Variants in GCNT1 observed in about 807,000 individuals in gnomAD.
GCNT1 encodes glucosaminyl (N-acetyl) transferase 1.
In GCNT1, 16 loss-of-function variants were observed where a neutral mutation model predicts 26.2. The observed-to-expected ratio is 0.61, with a 90% CI of 0.41 to 0.93. The LOEUF (loss-of-function observed/expected upper bound fraction) is 0.93. Ranked by LOEUF, GCNT1 falls within the 40% of genes least tolerant of loss-of-function variation. The pLI is 0.00. For missense variants in GCNT1, 477 were observed against 526.7 expected, an observed-to-expected ratio of 0.91 and a Z score of 0.92; for synonymous variants, 183 against 190.8, an observed-to-expected ratio of 0.96 and a Z score of 0.34.
chr9:76,474,685 AT>A (rs1259322358), intron 2 of GCNT1, among the ~76,000 whole-genome samples: 1 of 152,160 alleles, frequency 6.6e-6, no homozygotes, highest in Non-Finnish European at 1.5e-5. Flanking sequence ...TTGTCAATGG[AT>A]TTTTGTTTTT....
chr9:76,418,087 A>C (rs907338511), upstream of GCNT1, among the ~76,000 whole-genome samples: 4 of 152,118 alleles, frequency 2.6e-5, no homozygotes, highest in Non-Finnish European at 1.5e-5. Context: ...AATCAAATAC[A>C]CGTAAGGTAT....
intron 2 of GCNT1, among the ~76,000 whole-genome samples, chr9:76,478,240 C>T (rs1020542688): frequency 1.7e-4 from 26 of 152,224 alleles, no homozygotes; most frequent in Non-Finnish European, 5.9e-5. Context: ...CTGTTGGTCA[C>T]TCTTTGCGTC....
the GCNT1 span, among the ~76,000 whole-genome samples, chr9:76,400,158 A>G: frequency 2.0e-5 from 3 of 152,228 alleles, no homozygotes; most frequent in Admixed American, 2.0e-4. Flanking sequence ...CCTCATGAAT[A>G]TATGACATTA....
At chr9:76,479,639 G>T (rs1472053561) in intron 2 of GCNT1, among the ~76,000 whole-genome samples, 8 of 152,172 alleles carry the variant, frequency 5.3e-5, no homozygotes, top group Admixed American at 3.9e-4. Flanking sequence ...TCATATGCCT[G>T]TTGGCTGCAT....
At chr9:76,420,993 C>G (rs974002968) in intron 1 of GCNT1, among the ~76,000 whole-genome samples, 4 of 148,944 alleles carry the variant, frequency 2.7e-5, no homozygotes, top group African/African-American at 9.8e-5. Flanking sequence ...ATTTCATTCT[C>G]AAAACAAACA....
intron 2 of GCNT1, among the ~76,000 whole-genome samples, chr9:76,484,594 A>T (rs556183364): frequency 1.3e-5 from 2 of 152,158 alleles, no homozygotes; most frequent in South Asian, 4.1e-4. Context: ...TTGAAAACAA[A>T]CACATCATGT....
chr9:76,477,462 G>T (rs1462834770), intron 2 of GCNT1, among the ~76,000 whole-genome samples: 1 of 151,566 alleles, frequency 6.6e-6, no homozygotes, highest in African/African-American at 2.4e-5. Flanking sequence ...GGAGGCAGAG[G>T]TTGCAGTGAG....
intron 1 of GCNT1, among the ~76,000 whole-genome samples, chr9:76,444,601 G>T (rs1040046183): frequency 6.6e-6 from 1 of 152,238 alleles, no homozygotes; most frequent in Non-Finnish European, 1.5e-5. Flanking sequence ...AGCTGAAATG[G>T]ACAGGGGCAG....
At chr9:76,433,961 A>G (rs1283084403) in intron 1 of GCNT1, among the ~76,000 whole-genome samples, 1 of 152,232 alleles carries the variant, frequency 6.6e-6, no homozygotes, top group East Asian at 1.9e-4. Flanking sequence ...GTAAAATTCA[A>G]AGTTATATAA....
chr9:76,440,077 G>A (rs189553428), upstream of GCNT1, among the ~76,000 whole-genome samples: 101 of 151,288 alleles, frequency 6.7e-4, 1 homozygote, highest in East Asian at 0.017. Context: ...CTCCAGCCTG[G>A]GCAAGAGCGA....
intron 1 of GCNT1, among the ~76,000 whole-genome samples, chr9:76,435,678 G>A (rs910809741): frequency 3.9e-5 from 6 of 152,120 alleles, no homozygotes; most frequent in African/African-American, 1.4e-4. Context: ...TGGTCCTATT[G>A]TATTAAGGTC....
chr9:76,417,650 G>C (rs1053202016), upstream of GCNT1, among the ~76,000 whole-genome samples: 5 of 152,178 alleles, frequency 3.3e-5, no homozygotes, highest in African/African-American at 1.2e-4. Context: ...GTGGGTGGGG[G>C]AGCCAAAGGC....
chr9:76,434,197 TG>T (rs1184636578), intron 1 of GCNT1, among the ~76,000 whole-genome samples: 1 of 152,174 alleles, frequency 6.6e-6, no homozygotes, highest in African/African-American at 2.4e-5. Flanking sequence ...GAGTATCCAC[TG>T]GGGGTCTTGG....
chr9:76,503,739 G>A lies in GCNT1; in HGVS notation c.*71G>A, dbSNP rs1216364213. On this transcript the variant is annotated 3_prime_UTR_variant, in exon 4 of 4. Transcript: ENST00000376730. Reference sequence around the variant, plus strand: ...TACCCTTATCTGTTTCCCCTTCCTTGTCAGCATCGGGAAGATGGTATGAAG... The same window carrying A: ...TACCCTTATCTGTTTCCCCTTCCTTATCAGCATCGGGAAGATGGTATGAAG... 8.7e-6 allele frequency: 11 copies of A among 1,267,108 alleles called. No individual in the cohort carries two copies. Among genetic ancestry groups the A allele is most frequent in the Non-Finnish European group, 1.1e-5 (10 of 875,712 alleles). The allele number at this position is 1,267,108 out of a possible 1,614,324, so 78.5% of individuals were successfully genotyped here.
At chr9:76,469,264 A>G (rs769241827) in intron 2 of GCNT1, among the ~76,000 whole-genome samples, 22 of 152,232 alleles carry the variant, frequency 1.4e-4, no homozygotes, top group Non-Finnish European at 3.1e-4. Flanking sequence ...TCCTAGGCCC[A>G]CTAAGAATCC....
At chr9:76,403,602 A>C in the GCNT1 span, among the ~76,000 whole-genome samples, 3 of 152,242 alleles carry the variant, frequency 2.0e-5, no homozygotes, top group Non-Finnish European at 4.4e-5. Flanking sequence ...TAGACACGGG[A>C]GGATTCTGTA....
chr9:76,423,404 C>T (rs1052668032), intron 1 of GCNT1, among the ~76,000 whole-genome samples: 13 of 152,190 alleles, frequency 8.5e-5, no homozygotes, highest in Non-Finnish European at 7.4e-5. Flanking sequence ...TTTGCCTTTC[C>T]CCCATGGGAT....
At chr9:76,472,836 C>T (rs1824169334) in intron 2 of GCNT1, among the ~76,000 whole-genome samples, 1 of 150,760 alleles carries the variant, frequency 6.6e-6, no homozygotes, top group African/African-American at 2.4e-5. Flanking sequence ...GCAACTTCTG[C>T]CTCCCAGATT....
Position 76,432,250 on chromosome 9 carries a change from C to CA in GCNT1, n.38+12371dup, listed in dbSNP as rs747518390. On this transcript the variant is annotated intron_variant and non_coding_transcript_variant, in intron 1 of 3. Coordinates refer to the GCNT1 transcript ENST00000488136. The stretch of plus-strand genomic sequence containing the variant: ...TACATAAAATACATTACATCTAGTC[C>CA]AAAAAAAATGTAGGCAATCCAAATT... 1.5e-4 allele frequency among the ~76,000 whole-genome samples: 23 copies of CA among 151,466 alleles called. No individual in the cohort carries two copies. The South Asian group carries it at 3.3e-3, about 22-fold the overall frequency.
Sources: allele counts gnomAD v4.1 joint callset (sites outside exome capture counted in the v4.1 genomes callset), GRCh38; gene constraint gnomAD v4.1.1; transcripts MANE v1.5; gene names NCBI Gene and HGNC (gene_info 2026-07-23, HGNC 2026-07-21).